The following SGCD variants were observed in gnomAD, a reference collection of about 807,000 sequenced individuals.
SGCD encodes sarcoglycan delta.
Under a neutral mutation model 36.6 loss-of-function variants are expected in SGCD, and 18 were observed. The observed-to-expected ratio is 0.49, with a 90% confidence interval of 0.34 to 0.73. SGCD has a LOEUF of 0.73. SGCD is among the 30% of genes least tolerant of loss of function. SGCD has a pLI of 0.01. For synonymous variants in SGCD, 133 were observed against 130.6 expected (o/e 1.02, Z -0.12); for missense variants, 387 against 346.7 (o/e 1.12, Z -0.92).
At chr5:156,555,384 G>A (rs1758980227) in intron 4 of SGCD, among the ~76,000 whole-genome samples, 1 of 152,050 alleles carries the variant, frequency 6.6e-6, no homozygotes, top group African/African-American at 2.4e-5. Context: ...TCCATTTTGA[G>A]TTAATTTTTG....
In SGCD at chr5:155,883,808, A is replaced by G. The variant is rs1166488045; in HGVS notation, c.-282+13384A>G. Among the ~76,000 whole-genome samples, 4 of 151,594 alleles carry G rather than the reference A, an allele frequency of 2.6e-5. No homozygotes were observed. The East Asian group carries it at 5.8e-4, about 22-fold the overall frequency. On this transcript the variant is annotated intron_variant, in intron 1 of 9. Coordinates refer to the SGCD transcript ENST00000517913. Reference sequence around the variant, plus strand: ...CTTCAATTTGCAAAAAAAAAAAAAAAAAAAAAGAAAAGCACTATTTTGGAA... The same window carrying G: ...CTTCAATTTGCAAAAAAAAAAAAAAGAAAAAAGAAAAGCACTATTTTGGAA...
chr5:156,287,025 G>T (rs573539721), intron 3 of SGCD, among the ~76,000 whole-genome samples: 4 of 152,212 alleles, frequency 2.6e-5, no homozygotes, highest in African/African-American at 9.6e-5. Context: ...TGCTTTCAGA[G>T]TGTTTACATT....
intron 3 of SGCD, among the ~76,000 whole-genome samples, chr5:156,193,204 C>A (rs567308923): frequency 6.6e-6 from 1 of 152,200 alleles, no homozygotes; most frequent in Non-Finnish European, 1.5e-5. Flanking sequence ...AGCAGCTGGA[C>A]TCCTGTGCTT....
intron 3 of SGCD, among the ~76,000 whole-genome samples, chr5:156,268,448 T>C (rs916374638): frequency 2.0e-5 from 3 of 152,212 alleles, no homozygotes; most frequent in African/African-American, 4.8e-5. Flanking sequence ...AAGTGACCAA[T>C]AGTGTATAAG....
intron 3 of SGCD, among the ~76,000 whole-genome samples, chr5:156,460,723 A>G (rs899358739): frequency 1.3e-5 from 2 of 152,202 alleles, no homozygotes; most frequent in African/African-American, 4.8e-5. Context: ...CCACAACCCC[A>G]GAGTCTTAAA....
At chr5:156,172,820 T>A (rs1763375616) in intron 3 of SGCD, among the ~76,000 whole-genome samples, 1 of 151,512 alleles carries the variant, frequency 6.6e-6, no homozygotes, top group Non-Finnish European at 1.5e-5. Flanking sequence ...AAATTTTAAA[T>A]GGGAATCTTT....
rs368081738 is a variant in SGCD, at chr5:155,957,489, A to G, written c.-282+87065A>G. On this transcript the variant is annotated intron_variant, in intron 1 of 9. Transcript: ENST00000517913. ...AAATGGGTTTCACTGGGCTAAAATCAAAGTGTCAGGAAGGCTCCATTTCTT... is the reference window on the plus strand; with the variant it reads ...AAATGGGTTTCACTGGGCTAAAATCGAAGTGTCAGGAAGGCTCCATTTCTT... Among the ~76,000 whole-genome samples the G allele has an allele frequency of 4.6e-5, 7 of 152,214 alleles. No individual in the cohort carries two copies. In the South Asian group the frequency reaches 1.5e-3, roughly 32 times the overall value.
chr5:156,449,291 T>A (rs573523064), intron 3 of SGCD, among the ~76,000 whole-genome samples: 1 of 152,236 alleles, frequency 6.6e-6, no homozygotes, highest in Admixed American at 6.5e-5. Context: ...AAAATTTATC[T>A]TTATTTGTCA....
In SGCD at chr5:156,544,321, T is replaced by G. The variant is rs540557941; in HGVS notation, c.294+35619T>G. Among the ~76,000 whole-genome samples the G allele has an allele frequency of 5.3e-5, 8 of 152,308 alleles. No homozygotes were observed. In the South Asian group the frequency reaches 1.4e-3, roughly 28 times the overall value. Reference sequence around the variant, plus strand: ...ACTTTGGTGGATCACTCAACCTACCTGGTAATAAGGTTACCTCTCAATTGA... The same window carrying G: ...ACTTTGGTGGATCACTCAACCTACCGGGTAATAAGGTTACCTCTCAATTGA... On this transcript the variant is annotated intron_variant, in intron 4 of 8. Coordinates refer to ENST00000337851, the MANE Select transcript of SGCD (RefSeq NM_000337.6).
intron 3 of SGCD, among the ~76,000 whole-genome samples, chr5:156,168,510 G>A (rs1193886702): frequency 6.6e-6 from 1 of 152,206 alleles, no homozygotes; most frequent in Non-Finnish European, 1.5e-5. Flanking sequence ...AGCAGGTCAA[G>A]GTTACAGTGA....
rs138891802 is a variant in SGCD, at chr5:156,201,431, C to T, written c.-44+77412C>T. On this transcript the variant is annotated intron_variant, in intron 3 of 9. Transcript: ENST00000517913. ...AACATGCTGACATCTTTCTTCACTC[C>T]CACTGTAGCAATGAGCAAAGCTGCC... 1.0e-3 allele frequency among the ~76,000 whole-genome samples: 158 copies of T among 152,188 alleles called. 1 individual carries two copies. Among genetic ancestry groups the T allele is most frequent in the African/African-American group, 3.6e-3 (149 of 41,532 alleles).
intron 1 of SGCD, among the ~76,000 whole-genome samples, chr5:156,088,840 C>T (rs1477179304): frequency 2.0e-5 from 3 of 152,050 alleles, no homozygotes; most frequent in African/African-American, 7.2e-5. Flanking sequence ...CTCACATGTC[C>T]AAGCAGCCTC....
chr5:156,607,289 A>G (rs748931991), intron 6 of SGCD, among the ~76,000 whole-genome samples: 1 of 152,220 alleles, frequency 6.6e-6, no homozygotes, highest in Non-Finnish European at 1.5e-5. Flanking sequence ...CTTTTTCTGC[A>G]TCTATTGAGA....
chr5:155,876,750 A>G (rs1293092957), intron 1 of SGCD, among the ~76,000 whole-genome samples: 2 of 152,118 alleles, frequency 1.3e-5, no homozygotes, highest in African/African-American at 4.8e-5. Context: ...CTTGATTGTT[A>G]GCCAAGTGAC....
At chr5:156,606,742 C>A (rs1034955350) in intron 6 of SGCD, among the ~76,000 whole-genome samples, 9 of 152,110 alleles carry the variant, frequency 5.9e-5, no homozygotes, top group African/African-American at 1.9e-4. Context: ...GTTTGTAGTT[C>A]TCCTTGAAGA....
At chr5:156,140,350 TCGAGAAA>T (rs1762550074) in intron 3 of SGCD, among the ~76,000 whole-genome samples, 1 of 152,148 alleles carries the variant, frequency 6.6e-6, no homozygotes, top group Admixed American at 6.5e-5. Flanking sequence ...AAGAGAGATG[TCGAGAAA>T]GGCTGTCTTA....
intron 4 of SGCD, among the ~76,000 whole-genome samples, chr5:156,560,609 C>A (rs1021644094): frequency 1.3e-5 from 2 of 152,130 alleles, no homozygotes; most frequent in African/African-American, 4.8e-5. Context: ...GAATTTACAA[C>A]CCGTTAGTAA....
intron 3 of SGCD, among the ~76,000 whole-genome samples, chr5:156,354,997 A>G (rs982414770): frequency 6.6e-6 from 1 of 152,248 alleles, no homozygotes; most frequent in Non-Finnish European, 1.5e-5. Flanking sequence ...GACACTGTCT[A>G]TTAAGGATTT....
At chr5:156,716,482 CTGCCTCT>C (rs1187468864) in intron 7 of SGCD, among the ~76,000 whole-genome samples, 3 of 152,226 alleles carry the variant, frequency 2.0e-5, no homozygotes, top group African/African-American at 4.8e-5. Flanking sequence ...TGTCTTAGCT[CTGCCTCT>C]TGCCTCTGTG....
Sources: gnomAD v4.1 joint callset for allele counts (sites outside exome capture counted in the v4.1 genomes callset) on GRCh38, gnomAD v4.1.1 for gene constraint, MANE v1.5 for transcripts, NCBI Gene and HGNC (gene_info 2026-07-23, HGNC 2026-07-21) for gene names.